Variants in EYS observed in about 807,000 individuals in gnomAD.
The protein encoded by EYS is EGF-like photoreceptor maintenance factor, also known as protein eyes shut homolog.
A neutral mutation model predicts 282.1 loss-of-function variants in EYS; 250 were observed. That is an observed-to-expected ratio of 0.89 (90% CI 0.80 to 0.98). The LOEUF is 0.98. Ranked by LOEUF, EYS falls within the 50% of genes least tolerant of loss-of-function variation. The probability of loss-of-function intolerance (pLI) is 0.00; values close to 1 mark genes in which losing one functional copy is unlikely to be tolerated. For synonymous variants in EYS, 1,355 were observed against 1,282.9 expected (o/e 1.06, Z -1.20); for missense variants, 4,016 against 3,709.0 (o/e 1.08, Z -2.15).
chr6:65,370,994 T>C (rs1417405398), intron 8 of EYS, among the ~76,000 whole-genome samples: 1 of 151,592 alleles, frequency 6.6e-6, no homozygotes, highest in Non-Finnish European at 1.5e-5. Flanking sequence ...TGGCAATAAT[T>C]GTCAAGAAAA....
intron 35 of EYS, among the ~76,000 whole-genome samples, chr6:63,884,845 T>G (rs1554184777): frequency 2.0e-5 from 3 of 152,132 alleles, no homozygotes; most frequent in Non-Finnish European, 4.4e-5. Flanking sequence ...CTTTTTTTTT[T>G]GAAAATGTAC....
Position 65,019,236 on chromosome 6 carries a change from T to C in EYS, c.2138-21533A>G, listed in dbSNP as rs1054007241. Among the ~76,000 whole-genome samples, 5 of 152,332 alleles carry C rather than the reference T, an allele frequency of 3.3e-5. No individual in the cohort carries two copies. In the East Asian group the frequency reaches 9.6e-4, roughly 29 times the overall value. ...CCACCATAGAAGCACAGACTAAACA[T>C]TCTTATTCTTTTTACATTTTTTCTC... is the stretch of plus-strand genomic sequence containing the variant. On this transcript the variant is annotated intron_variant, in intron 13 of 42. Coordinates refer to ENST00000503581, the MANE Select transcript of EYS (RefSeq NM_001142800.2).
chr6:64,345,286 C>T (rs931053807), intron 29 of EYS, among the ~76,000 whole-genome samples: 1 of 152,130 alleles, frequency 6.6e-6, no homozygotes, highest in African/African-American at 2.4e-5. Flanking sequence ...CATCATGCTA[C>T]CTGACTTCAA....
At chr6:63,935,852 C>T (rs1456229989) in intron 35 of EYS, among the ~76,000 whole-genome samples, 1 of 152,088 alleles carries the variant, frequency 6.6e-6, no homozygotes, top group Non-Finnish European at 1.5e-5. Context: ...TTTATGATCC[C>T]CATTTTACAG....
intron 12 of EYS, among the ~76,000 whole-genome samples, chr6:65,278,680 A>G (rs1768132031): frequency 1.3e-5 from 2 of 152,028 alleles, no homozygotes; most frequent in South Asian, 4.1e-4. Flanking sequence ...TCACTATTGT[A>G]TATAATTTAT....
At chr6:64,132,213 T>C (rs1202826574) in intron 31 of EYS, among the ~76,000 whole-genome samples, 2 of 152,092 alleles carry the variant, frequency 1.3e-5, no homozygotes, top group Non-Finnish European at 2.9e-5. Context: ...AAGTAAGGTA[T>C]AAAAGGTTAT....
intron 2 of EYS, among the ~76,000 whole-genome samples, chr6:65,581,204 C>G (rs1014553020): frequency 1.3e-5 from 2 of 151,962 alleles, no homozygotes; most frequent in East Asian, 3.9e-4. Context: ...CGTCTTCACC[C>G]ACCCCATCCT....
intron 22 of EYS, among the ~76,000 whole-genome samples, chr6:64,810,113 C>G (rs1331345347): frequency 1.3e-5 from 2 of 151,842 alleles, no homozygotes; most frequent in Non-Finnish European, 2.9e-5. Flanking sequence ...CAATCATCTG[C>G]ATAAGACAAA....
chr6:65,318,025 G>A (rs1231795428), intron 11 of EYS, among the ~76,000 whole-genome samples: 4 of 149,500 alleles, frequency 2.7e-5, no homozygotes, highest in Non-Finnish European at 3.0e-5. Flanking sequence ...CCGCCACCAC[G>A]CCCAGCTAAT....
At chr6:65,202,987 A>T (rs1765941168) in intron 12 of EYS, among the ~76,000 whole-genome samples, 1 of 152,160 alleles carries the variant, frequency 6.6e-6, no homozygotes, top group Non-Finnish European at 1.5e-5. Flanking sequence ...CTGCCAGCTC[A>T]CCAGACCCAG....
intron 2 of EYS, among the ~76,000 whole-genome samples, chr6:65,514,162 C>T (rs1158640440): frequency 6.6e-6 from 1 of 151,560 alleles, no homozygotes; most frequent in Non-Finnish European, 1.5e-5. Flanking sequence ...CAAACAGAGC[C>T]AAATCATGAG....
intron 2 of EYS, among the ~76,000 whole-genome samples, chr6:65,529,839 G>C (rs1767698144): frequency 6.6e-6 from 1 of 152,134 alleles, no homozygotes; most frequent in Non-Finnish European, 1.5e-5. Flanking sequence ...CAGTGAGAAT[G>C]CTGTCTATGA....
chr6:65,152,390 T>A (rs1764634165), intron 12 of EYS, among the ~76,000 whole-genome samples: 1 of 151,914 alleles, frequency 6.6e-6, no homozygotes, highest in Non-Finnish European at 1.5e-5. Context: ...AATAGGACTT[T>A]AAAGAGGTGA....
chr6:65,093,280 A>T (rs1774627501), intron 12 of EYS, among the ~76,000 whole-genome samples: 1 of 152,026 alleles, frequency 6.6e-6, no homozygotes, highest in Non-Finnish European at 1.5e-5. Flanking sequence ...CCTGCCTTAC[A>T]AGAAATGCTA....
intron 26 of EYS, among the ~76,000 whole-genome samples, chr6:64,569,526 G>A (rs1765656683): frequency 6.6e-6 from 1 of 152,104 alleles, no homozygotes; most frequent in African/African-American, 2.4e-5. Flanking sequence ...GGGGTCACGA[G>A]GTCAGGAGAT....
At chr6:65,563,722 A>T (rs1400197216) in intron 2 of EYS, among the ~76,000 whole-genome samples, 1 of 152,140 alleles carries the variant, frequency 6.6e-6, no homozygotes, top group Non-Finnish European at 1.5e-5. Context: ...GTAGGTAGAT[A>T]GGCAGATAAT....
At chr6:63,722,663 C>T (rs566328293) in intron 42 of EYS, among the ~76,000 whole-genome samples, 71 of 152,240 alleles carry the variant, frequency 4.7e-4, no homozygotes, top group African/African-American at 1.7e-3. Flanking sequence ...TTTCTTCTCC[C>T]TCTGAAATTT....
At chr6:64,584,836 T>G (rs1189687889) in intron 26 of EYS, among the ~76,000 whole-genome samples, 1 of 152,112 alleles carries the variant, frequency 6.6e-6, no homozygotes, top group Non-Finnish European at 1.5e-5. Flanking sequence ...AGAAAGGTAT[T>G]ACTTTTAGTT....
chr6:64,999,580 C>A (rs1273924851), intron 13 of EYS, among the ~76,000 whole-genome samples: 5 of 152,162 alleles, frequency 3.3e-5, no homozygotes, highest in Admixed American at 3.3e-4. Flanking sequence ...CCCAAGACCA[C>A]CCTGTCCCAC....
Sources: gnomAD v4.1 joint callset for allele counts (sites outside exome capture counted in the v4.1 genomes callset) on GRCh38, gnomAD v4.1.1 for gene constraint, MANE v1.5 for transcripts, NCBI Gene and HGNC (gene_info 2026-07-23, HGNC 2026-07-21) for gene names.